Variants in HIPK2 observed in about 807,000 individuals in gnomAD.
HIPK2 encodes the protein homeodomain interacting protein kinase 2.
Under a neutral mutation model 113.7 loss-of-function variants are expected in HIPK2, and 27 were observed. The observed-to-expected ratio is 0.24, with a 90% CI of 0.17 to 0.33. The LOEUF is 0.33. Among genes scored for constraint, HIPK2 ranks in the 10% least tolerant of loss-of-function variants. The pLI, the probability that HIPK2 is intolerant of heterozygous loss-of-function variation, is 1.00. For missense variants in HIPK2, 1,257 were observed against 1,588.0 expected, an observed-to-expected ratio of 0.79 and a Z score of 3.54; for synonymous variants, 631 against 642.2, an observed-to-expected ratio of 0.98 and a Z score of 0.26.
At chr7:139,686,451 C>T (rs1411245227) in intron 2 of HIPK2, among the ~76,000 whole-genome samples, 2 of 152,102 alleles carry the variant, frequency 1.3e-5, no homozygotes, top group Non-Finnish European at 2.9e-5. Context: ...AATTGTAGTT[C>T]CCATCATCCC....
At chr7:139,652,139 C>A (rs961473827) in intron 2 of HIPK2, among the ~76,000 whole-genome samples, 4 of 152,208 alleles carry the variant, frequency 2.6e-5, no homozygotes, top group Admixed American at 6.5e-5. Context: ...TAGCCAAGCA[C>A]TGGATCACTG....
chr7:139,573,973 G>A (rs770691691), intron 14 of HIPK2, among the ~76,000 whole-genome samples: 17 of 152,096 alleles, frequency 1.1e-4, no homozygotes, highest in Non-Finnish European at 2.2e-4. Context: ...TCCCAAGGAC[G>A]TACAGAAGCT....
At chr7:139,730,035 G>A (rs545335581) in intron 1 of HIPK2, among the ~76,000 whole-genome samples, 43 of 152,302 alleles carry the variant, frequency 2.8e-4, no homozygotes, top group African/African-American at 8.7e-4. Context: ...GCCTGGCAAC[G>A]GAAGGTAAGC....
intron 1 of HIPK2, among the ~76,000 whole-genome samples, chr7:139,720,501 C>T (rs1269877591): frequency 6.6e-6 from 1 of 152,196 alleles, no homozygotes; most frequent in African/African-American, 2.4e-5. Context: ...ATTCAGAATC[C>T]GTACTTCACC....
At chr7:139,734,166 G>A (rs1166733407) in intron 1 of HIPK2, among the ~76,000 whole-genome samples, 3 of 152,290 alleles carry the variant, frequency 2.0e-5, no homozygotes, top group East Asian at 1.9e-4. Flanking sequence ...TTAAAATTCC[G>A]AAATAGTTCA....
At chr7:139,754,345 T>C (rs1368038849) in intron 1 of HIPK2, among the ~76,000 whole-genome samples, 1 of 152,222 alleles carries the variant, frequency 6.6e-6, no homozygotes, top group Admixed American at 6.5e-5. Flanking sequence ...GCATTACTGC[T>C]GAACAGAACT....
In HIPK2 at chr7:139,600,574, G is replaced by A. The variant is rs1402544141; in HGVS notation, c.2278C>T (p.His760Tyr). The stretch of plus-strand genomic sequence containing the variant: ...GGCTGCTGCATGATGGGATTATAAT[G>A]GCTTCCGTGAGCATGCGTATTTCTG... ...DWRNTHAHGS[H>Y]YNPIMQQPAL... Residue 760 changes from histidine to tyrosine, a missense_variant, in exon 11 of 15, where the codon CAT becomes TAT. Around this residue, in one of 5 missense-constraint regions of HIPK2, gnomAD observed 862 missense variants for 1,004.3 expected, o/e 0.86. Transcript: ENST00000406875. 1.9e-6 allele frequency: 3 copies of A among 1,613,812 alleles called. No homozygotes were observed. The highest frequency in any genetic ancestry group is 1.6e-4 in the Middle Eastern group (1 of 6,082).
intron 7 of HIPK2, among the ~76,000 whole-genome samples, chr7:139,619,063 G>C (rs1404213125): frequency 1.3e-5 from 2 of 152,180 alleles, no homozygotes; most frequent in Non-Finnish European, 2.9e-5. Flanking sequence ...GGCCCCCAGA[G>C]GGCAGCAGAT....
Position 139,568,849 on chromosome 7 carries a change from G to C in HIPK2, c.*4078C>G, listed in dbSNP as rs1379100968. On this transcript the variant is annotated 3_prime_UTR_variant, in exon 15 of 15. Coordinates refer to ENST00000406875, the MANE Select transcript of HIPK2 (RefSeq NM_022740.5). ...CAGCTCCATGCATGGGGGTAGAGGA[G>C]GCCATTGGGTGAGGACTAGGAGAAT... 3.3e-5 allele frequency: 5 copies of C among 152,314 alleles called. No homozygotes were observed. Among genetic ancestry groups the C allele is most frequent in the Non-Finnish European group, 7.3e-5 (5 of 68,100 alleles). 9.4% of individuals were successfully genotyped at this position (152,314 alleles called of 1,614,324 possible). A position where few individuals can be genotyped will look rare whatever the true frequency, so the allele number is the denominator to read the frequency against.
rs1158602750 is a variant in HIPK2, at chr7:139,571,439, G to A, written c.*1488C>T. 1.3e-5 allele frequency: 2 copies of A among 152,256 alleles called. No individual in the cohort carries two copies. Among genetic ancestry groups the A allele is most frequent in the Non-Finnish European group, 2.9e-5 (2 of 68,084 alleles). The allele number at this position is 152,256 out of a possible 1,614,324, so 9.4% of individuals were successfully genotyped here. A position where few individuals can be genotyped will look rare whatever the true frequency, so the allele number is the denominator to read the frequency against. ...ACAGAGTGGGGCAGGGGTGAAGGGT[G>A]GGGAGTCTCTCTGGGCCTCCGCCCA... On this transcript the variant is annotated 3_prime_UTR_variant, in exon 15 of 15. Transcript: ENST00000406875.
chr7:139,705,303 G>T (rs1794856901), intron 2 of HIPK2, among the ~76,000 whole-genome samples: 1 of 152,206 alleles, frequency 6.6e-6, no homozygotes, highest in Non-Finnish European at 1.5e-5. Flanking sequence ...TTACACGCAT[G>T]CGGCTATCTC....
chr7:139,712,759 GC>G (rs1232842027), intron 2 of HIPK2, among the ~76,000 whole-genome samples: 1 of 152,146 alleles, frequency 6.6e-6, no homozygotes, highest in African/African-American at 2.4e-5. Context: ...GATAAACATG[GC>G]CTAGAGCTGG....
intron 6 of HIPK2, among the ~76,000 whole-genome samples, chr7:139,621,239 G>T (rs143147410): frequency 1.3e-5 from 2 of 152,300 alleles, no homozygotes; most frequent in African/African-American, 4.8e-5. Context: ...CATGATTCTC[G>T]TCCCTACTTC....
In HIPK2 at chr7:139,626,638, T is replaced by C; in HGVS notation, c.1582A>G (p.Thr528Ala). The C allele has an allele frequency of 6.2e-7, 1 of 1,613,940 alleles. No individual in the cohort carries two copies. Among genetic ancestry groups the C allele is most frequent in the Non-Finnish European group, 8.5e-7 (1 of 1,179,870 alleles). Residue 528 changes from threonine (T) to alanine (A), a missense_variant, in exon 6 of 15, where the codon ACC (threonine) becomes GCC (alanine). Physicochemically the swap from Thr to Ala is moderately conservative, Grantham distance 58. Around this residue, in one of 5 missense-constraint regions of HIPK2, gnomAD observed 862 missense variants for 1,004.3 expected, o/e 0.86. Coordinates refer to ENST00000406875, the MANE Select transcript of HIPK2 (RefSeq NM_022740.5). ...GGAAAATCGAGTAAGTGTGTCATGG[T>C]GACAAAGGGATGGTTCAGGGTTTCG... ...PIETLNHPFVTMTHLLDFPHS... is the reference protein window; with the variant it reads ...PIETLNHPFVAMTHLLDFPHS...
In HIPK2 at chr7:139,596,801, G is replaced by A. The variant is rs1222887042; in HGVS notation, c.2633C>T (p.Pro878Leu). The A allele has an allele frequency of 6.2e-7, 1 of 1,613,988 alleles. No homozygotes were observed. The highest frequency in any genetic ancestry group is 1.1e-5 in the South Asian group (1 of 91,080). ...GCTGACCGTGGGGCTGGGAGTGTCG[G>A]GAATGACAATTGTCTGCCGCTGCCG... is the stretch of plus-strand genomic sequence containing the variant. ...RERQRQTIVIPDTPSPTVSVI... is the reference protein window; with the variant it reads ...RERQRQTIVILDTPSPTVSVI... Residue 878 changes from proline to leucine, a missense_variant, in exon 12 of 15, where the codon CCC becomes CTC. By Grantham distance (98) the Pro-to-Leu change is moderately conservative (BLOSUM62 -3). Around this residue, in one of 5 missense-constraint regions of HIPK2, gnomAD observed 862 missense variants for 1,004.3 expected, o/e 0.86. Coordinates refer to ENST00000406875, the MANE Select transcript of HIPK2 (RefSeq NM_022740.5).
At chr7:139,581,177 G>A (rs529851080) in intron 13 of HIPK2, among the ~76,000 whole-genome samples, 14 of 152,228 alleles carry the variant, frequency 9.2e-5, no homozygotes, top group Admixed American at 2.0e-4. Flanking sequence ...CCGAGATCGC[G>A]CCACTGCACT....
intron 2 of HIPK2, among the ~76,000 whole-genome samples, chr7:139,638,150 G>A (rs1290887794): frequency 3.3e-5 from 5 of 151,980 alleles, no homozygotes; most frequent in African/African-American, 4.8e-5. Flanking sequence ...TTTATCCTGC[G>A]CAGTCCCACT....
At chr7:139,582,910 G>T (rs1202341743) in intron 13 of HIPK2, among the ~76,000 whole-genome samples, 1 of 152,244 alleles carries the variant, frequency 6.6e-6, no homozygotes, top group Non-Finnish European at 1.5e-5. Context: ...CGCCCACTGG[G>T]TCTCACATGT....
chr7:139,605,235 GGT>G lies in HIPK2; in HGVS notation c.2113-1014_2113-1013del, dbSNP rs34675356. On this transcript the variant is annotated intron_variant, in intron 9 of 14. Transcript: ENST00000406875. ...GTGATTCTTCCTTGATAGATTCACTGGTGTGTGTGTGTGTGTGTGTGTGTGTG... is the reference window on the plus strand; with the variant it reads ...GTGATTCTTCCTTGATAGATTCACTGGTGTGTGTGTGTGTGTGTGTGTGTG... Among the ~76,000 whole-genome samples, 1,166 of 147,038 alleles carry G rather than the reference GGT, an allele frequency of 7.9e-3. 7 individuals are homozygous for G. Among genetic ancestry groups the G allele is most frequent in the African/African-American group, 0.019 (764 of 40,244 alleles).
Sources: allele counts gnomAD v4.1 joint callset (sites outside exome capture counted in the v4.1 genomes callset), GRCh38; gene constraint gnomAD v4.1.1; regional missense constraint gnomAD v4.1.1; transcripts MANE v1.5; gene names NCBI Gene and HGNC (gene_info 2026-07-23, HGNC 2026-07-21).